The following CTDSPL2 variants were observed in gnomAD, a reference collection of about 807,000 sequenced individuals.
CTDSPL2 encodes the protein CTD small phosphatase-like protein 2.
Under a neutral mutation model 60.0 loss-of-function variants are expected in CTDSPL2, and 5 were observed. The ratio of observed to expected loss-of-function variants is 0.08; its 90% confidence interval spans 0.04 to 0.18. The LOEUF (loss-of-function observed/expected upper bound fraction) is 0.18. CTDSPL2 is among the 10% of genes least tolerant of loss of function. The pLI, the probability that CTDSPL2 is intolerant of heterozygous loss-of-function variation, is 1.00. For missense variants in CTDSPL2, 370 were observed against 548.8 expected, an observed-to-expected ratio of 0.67 and a Z score of 3.26; for synonymous variants, 186 against 189.3, an observed-to-expected ratio of 0.98 and a Z score of 0.14.
intron 11 of CTDSPL2, chr15:44,519,533 G>T: frequency 2.9e-6 from 1 of 341,276 alleles, no homozygotes; most frequent in Non-Finnish European, 5.3e-6. Context: ...TATAAGATAA[G>T]CATCATTGAA....
chr15:44,474,327 A>G (rs771769000), intron 2 of CTDSPL2, among the ~76,000 whole-genome samples: 9 of 152,124 alleles, frequency 5.9e-5, no homozygotes, highest in Non-Finnish European at 8.8e-5. Flanking sequence ...CCTATCTCTA[A>G]TAAAGTACAA....
At chr15:44,462,831 A>G (rs2080602733) in intron 2 of CTDSPL2, among the ~76,000 whole-genome samples, 1 of 145,530 alleles carries the variant, frequency 6.9e-6, no homozygotes, top group South Asian at 2.2e-4. Context: ...TCAGCATCCC[A>G]AGTAGCTGGA....
chr15:44,515,896 G>GGGTT (rs1278308033), intron 10 of CTDSPL2, among the ~76,000 whole-genome samples: 2 of 151,360 alleles, frequency 1.3e-5, no homozygotes, highest in African/African-American at 2.4e-5. Flanking sequence ...TTTAATAGCT[G>GGGTT]GGTTGGTTGG....
At chr15:44,483,465 G>A (rs1484141485) in intron 2 of CTDSPL2, among the ~76,000 whole-genome samples, 1 of 151,898 alleles carries the variant, frequency 6.6e-6, no homozygotes, top group Non-Finnish European at 1.5e-5. Context: ...CTGAACTCAG[G>A]AGGTTGAGGT....
Position 44,525,262 on chromosome 15 carries a change from A to G in CTDSPL2, c.*1088A>G. 2.5e-6 allele frequency: 1 copy of G among 396,866 alleles called. No individual in the cohort carries two copies. Among genetic ancestry groups the G allele is most frequent in the Non-Finnish European group, 4.4e-6 (1 of 224,980 alleles). 24.6% of individuals were successfully genotyped at this position (396,866 alleles called of 1,614,324 possible). On this transcript the variant is annotated 3_prime_UTR_variant, in exon 13 of 13. Coordinates refer to ENST00000260327, the MANE Select transcript of CTDSPL2 (RefSeq NM_016396.3). Reference sequence around the variant, plus strand: ...ACAGTCTTGGTACCTAACAGTAGCTATGCATAATCCTGTGGCACAGTACAC... The same window carrying G: ...ACAGTCTTGGTACCTAACAGTAGCTGTGCATAATCCTGTGGCACAGTACAC...
At position 44,525,591 on chromosome 15, in the gene CTDSPL2, G is replaced by A. The variant is rs1008188435; in HGVS notation, c.*1417G>A. The A allele has an allele frequency of 3.8e-5, 15 of 397,668 alleles. No homozygotes were observed. Among genetic ancestry groups the A allele is most frequent in the African/African-American group, 2.5e-4 (12 of 48,580 alleles). The allele number at this position is 397,668 out of a possible 1,614,324, so 24.6% of individuals were successfully genotyped here. A position where few individuals can be genotyped will look rare whatever the true frequency, so the allele number is the denominator to read the frequency against. ...TTTGTATGCTTGTTAAGAAAGTACA[G>A]TATTGGAAATTAAAGGTGGACAACT... On this transcript the variant is annotated 3_prime_UTR_variant, in exon 13 of 13. Coordinates refer to ENST00000260327, the MANE Select transcript of CTDSPL2 (RefSeq NM_016396.3).
rs1233990968 is a variant in CTDSPL2 at position 44,524,244 on chromosome 15, T to G, written c.*70T>G. 1 of 1,299,430 alleles carries G rather than the reference T, an allele frequency of 7.7e-7. No individual in the cohort carries two copies. The highest frequency in any genetic ancestry group is 1.1e-6 in the Non-Finnish European group (1 of 903,694). The allele number at this position is 1,299,430 out of a possible 1,614,324, so 80.5% of individuals were successfully genotyped here. A position where few individuals can be genotyped will look rare whatever the true frequency, so the allele number is the denominator to read the frequency against. ...CCCTTTTGGACTAAGACAAAAACAT[T>G]GCCATTACTGTTGAAATTTTGCATT... On this transcript the variant is annotated 3_prime_UTR_variant, in exon 13 of 13. Transcript: ENST00000260327.
rs1309976539 is a variant in CTDSPL2 at position 44,496,240 on chromosome 15, T to G, written c.692-140T>G. 8.8e-6 allele frequency: 5 copies of G among 569,136 alleles called. No individual in the cohort carries two copies. In the Admixed American group the frequency reaches 1.4e-4, roughly 16 times the overall value. 35.3% of individuals were successfully genotyped at this position (569,136 alleles called of 1,614,324 possible). ...AAGTTAGATCTGTATGTTAATAAAT[T>G]GGCTTTTAGGTGTTTACAAGTTATT... On this transcript the variant is annotated intron_variant, in intron 5 of 12. Transcript: ENST00000260327.
At position 44,527,987 on chromosome 15, in the gene CTDSPL2, T is replaced by C. The variant is rs1380747090; in HGVS notation, c.*3813T>C. 1 of 152,190 alleles carries C rather than the reference T, an allele frequency of 6.6e-6. No individual in the cohort carries two copies. Among genetic ancestry groups the C allele is most frequent in the Non-Finnish European group, 1.5e-5 (1 of 68,020 alleles). The allele number at this position is 152,190 out of a possible 1,614,324, so 9.4% of individuals were successfully genotyped here. Reference sequence around the variant, plus strand: ...AGAATATGAACCACAAAACTCAGTATCTTATATTTAAATGCTACTTAAGTT... The same window carrying C: ...AGAATATGAACCACAAAACTCAGTACCTTATATTTAAATGCTACTTAAGTT... On this transcript the variant is annotated 3_prime_UTR_variant, in exon 13 of 13. Coordinates refer to ENST00000260327, the MANE Select transcript of CTDSPL2 (RefSeq NM_016396.3).
At chr15:44,468,415 T>C (rs975765200) in intron 2 of CTDSPL2, among the ~76,000 whole-genome samples, 1 of 152,228 alleles carries the variant, frequency 6.6e-6, no homozygotes, top group Non-Finnish European at 1.5e-5. Flanking sequence ...ATCTTTATTT[T>C]GATGAGTCTT....
chr15:44,435,986 A>T (rs78623510), intron 1 of CTDSPL2, among the ~76,000 whole-genome samples: 187 of 152,020 alleles, frequency 1.2e-3, no homozygotes, highest in Non-Finnish European at 2.3e-3. Context: ...GGTGACGGAG[A>T]AATCTGTTTT....
At chr15:44,486,803 C>G (rs550013018) in intron 4 of CTDSPL2, 103 bp downstream of exon 4, 63 of 895,750 alleles carry the variant, frequency 7.0e-5, no homozygotes, top group African/African-American at 4.9e-4. Flanking sequence ...TCTTTGTTGC[C>G]CAGGCTGGAG....
rs1014890031 is a variant in CTDSPL2 at position 44,525,464 on chromosome 15, G to A, written c.*1290G>A. 1.1e-4 allele frequency: 43 copies of A among 398,862 alleles called. No homozygotes were observed. The highest frequency in any genetic ancestry group is 7.4e-4 in the African/African-American group (36 of 48,726). 24.7% of individuals were successfully genotyped at this position (398,862 alleles called of 1,614,324 possible). A position where few individuals can be genotyped will look rare whatever the true frequency, so the allele number is the denominator to read the frequency against. ...TGGAAGGTAGAATTTGTAAAAGTTCGTATGCTTTGCCTCTCAACTGCATTA... is the reference window on the plus strand; with the variant it reads ...TGGAAGGTAGAATTTGTAAAAGTTCATATGCTTTGCCTCTCAACTGCATTA... On this transcript the variant is annotated 3_prime_UTR_variant, in exon 13 of 13. Transcript: ENST00000260327.
intron 12 of CTDSPL2, among the ~76,000 whole-genome samples, chr15:44,521,937 C>CAAAAAAAAAAAAA (rs904398715): frequency 1.6e-5 from 1 of 60,778 alleles, no homozygotes; most frequent in African/African-American, 8.4e-5. Flanking sequence ...GACTCCGTCT[C>CAAAAAAAAAAAAA]AAAAAAAAAA....
chr15:44,476,436 ATG>A (rs1448795905), intron 2 of CTDSPL2, among the ~76,000 whole-genome samples: 1 of 152,182 alleles, frequency 6.6e-6, no homozygotes, highest in Non-Finnish European at 1.5e-5. Flanking sequence ...TTAGAAGTAA[ATG>A]TATTTTAAAT....
chr15:44,478,477 A>T (rs1461412340), intron 2 of CTDSPL2, among the ~76,000 whole-genome samples: 1 of 149,148 alleles, frequency 6.7e-6, no homozygotes, highest in Non-Finnish European at 1.5e-5. Context: ...AAAAAAAAAA[A>T]AAAAAAGACT....
intron 5 of CTDSPL2, among the ~76,000 whole-genome samples, chr15:44,494,344 C>T (rs1424501467): frequency 6.6e-6 from 1 of 152,130 alleles, no homozygotes; most frequent in Non-Finnish European, 1.5e-5. Context: ...TGATCAGGTA[C>T]AGTGGCTCAC....
intron 5 of CTDSPL2, 57 bp from the exon 6 acceptor site, chr15:44,496,323 T>C (rs1248960959): frequency 1.8e-6 from 2 of 1,141,480 alleles, no homozygotes; most frequent in Non-Finnish European, 2.6e-6. Context: ...AGTAAAAATA[T>C]ATATTTCATG....
chr15:44,499,256 T>A (rs1038952409), intron 7 of CTDSPL2, among the ~76,000 whole-genome samples: 6 of 152,012 alleles, frequency 3.9e-5, no homozygotes, highest in Non-Finnish European at 7.4e-5. Flanking sequence ...AATACAAAAA[T>A]TAGCCAGACG....
Sources: gnomAD v4.1 joint callset for allele counts (sites outside exome capture counted in the v4.1 genomes callset) on GRCh38, gnomAD v4.1.1 for gene constraint, MANE v1.5 for transcripts, NCBI Gene and HGNC (gene_info 2026-07-23, HGNC 2026-07-21) for gene names.